The following RAB40B variants were observed in gnomAD, a reference collection of about 807,000 sequenced individuals.
The protein encoded by RAB40B is RAB40B, member RAS oncogene family, also known as ras-related protein Rab-40B.
A neutral mutation model predicts 24.0 loss-of-function variants in RAB40B; 21 were observed. That is an observed-to-expected ratio of 0.88 (90% CI 0.62 to 1.26). The LOEUF (loss-of-function observed/expected upper bound fraction) is 1.26, where lower values mean the gene tolerates loss of function less well. RAB40B is among the 50% of genes most tolerant of loss of function. The pLI, the probability that RAB40B is intolerant of heterozygous loss-of-function variation, is 0.00. For synonymous variants in RAB40B, 167 were observed against 169.8 expected, an observed-to-expected ratio of 0.98 and a Z score of 0.13; for missense variants, 348 against 390.5, an observed-to-expected ratio of 0.89 and a Z score of 0.92.
chr17:82,675,733 A>G lies in RAB40B; in HGVS notation c.143-11177T>C, dbSNP rs1179941137. Among the ~76,000 whole-genome samples the G allele has an allele frequency of 6.6e-6, 1 of 152,132 alleles. No individual in the cohort carries two copies. Among genetic ancestry groups the G allele is most frequent in the African/African-American group, 2.4e-5 (1 of 41,424 alleles). On this transcript the variant is annotated intron_variant, in intron 1 of 5. Transcript: ENST00000571995. The surrounding 1 kb of genome is among the most constrained non-coding windows in gnomAD (Gnocchi z 4.5). ...AGCTCTTGGATGCTTCACTCATCCC[A>G]TCCACAAAGCCCCACGTGACCTAAT...
At chr17:82,682,642 CA>C (rs1256130032) in intron 1 of RAB40B, among the ~76,000 whole-genome samples, 2 of 152,146 alleles carry the variant, frequency 1.3e-5, no homozygotes, top group African/African-American at 4.8e-5. Context: ...TTAATCAACA[CA>C]GTATGGTACT....
At position 82,692,603 on chromosome 17, in the gene RAB40B, G is replaced by A. The variant is rs891479349; in HGVS notation, c.142+5852C>T. On this transcript the variant is annotated intron_variant, in intron 1 of 5. Coordinates refer to ENST00000571995, the MANE Select transcript of RAB40B (RefSeq NM_006822.3). This position sits in a 1 kb window ranked among gnomAD's most constrained non-coding sequence, Gnocchi z 4.0. ...CGTGCGATGCGGGGTGGGGGTGGGG[G>A]GCATCCGACTGAAAAAAGTGTGTCT... is the stretch of plus-strand genomic sequence containing the variant. 1.3e-5 allele frequency among the ~76,000 whole-genome samples: 2 copies of A among 152,104 alleles called. No homozygotes were observed. Among genetic ancestry groups the A allele is most frequent in the African/African-American group, 2.4e-5 (1 of 41,410 alleles).
intron 1 of RAB40B, among the ~76,000 whole-genome samples, chr17:82,691,869 A>AG (rs1384974665): frequency 6.6e-6 from 1 of 152,102 alleles, no homozygotes; most frequent in African/African-American, 2.4e-5. Context: ...GGAACTTCCG[A>AG]GGGGAAAGAG....
chr17:82,659,464 G>A (rs1023864105), intron 4 of RAB40B, 116 bp downstream of exon 4: 28 of 963,712 alleles, frequency 2.9e-5, no homozygotes, highest in Non-Finnish European at 4.0e-5. Flanking sequence ...GCCATCCGGT[G>A]CCCTGGCCTG....
chr17:82,672,280 CTAACACACAAACTCACACGCTCCCTGT>C lies in RAB40B; in HGVS notation c.143-7751_143-7725del, dbSNP rs1169020606. Among the ~76,000 whole-genome samples, 7 of 133,082 alleles carry C rather than the reference CTAACACACAAACTCACACGCTCCCTGT, an allele frequency of 5.3e-5. 1 individual carries two copies. The highest frequency in any genetic ancestry group is 7.7e-5 in the Admixed American group (1 of 13,014). The allele number at this position is 133,082 out of a possible 152,430, so 87.3% of individuals were successfully genotyped here. A position where few individuals can be genotyped will look rare whatever the true frequency, so the allele number is the denominator to read the frequency against. On this transcript the variant is annotated intron_variant, in intron 1 of 5. Transcript: ENST00000571995. Reference sequence around the variant, plus strand: ...CACTGACACACCCCACCCCGTAACTCTAACACACAAACTCACACGCTCCCTGTACTGACACACCCCACCCCTGTAACT... The same window carrying C: ...CACTGACACACCCCACCCCGTAACTCACTGACACACCCCACCCCTGTAACT...
chr17:82,678,799 C>T (rs1317211909), intron 1 of RAB40B, among the ~76,000 whole-genome samples: 7 of 151,848 alleles, frequency 4.6e-5, no homozygotes, highest in African/African-American at 7.3e-5. Flanking sequence ...GGTGATTCAA[C>T]GCCGCTTTAC....
In RAB40B at chr17:82,656,377, T is replaced by G. The variant is rs1376528089; in HGVS notation, c.*1486A>C. 1.3e-5 allele frequency: 2 copies of G among 152,160 alleles called. No homozygotes were observed. The highest frequency in any genetic ancestry group is 4.8e-5 in the African/African-American group (2 of 41,422). 9.4% of individuals were successfully genotyped at this position (152,160 alleles called of 1,614,324 possible). A position where few individuals can be genotyped will look rare whatever the true frequency, so the allele number is the denominator to read the frequency against. ...AGCCACAGAGAAACGTTCAACAGTGTGACCAGGGAAGAGAGCGGCCCTGGA... is the reference window on the plus strand; with the variant it reads ...AGCCACAGAGAAACGTTCAACAGTGGGACCAGGGAAGAGAGCGGCCCTGGA... On this transcript the variant is annotated 3_prime_UTR_variant, in exon 6 of 6. Coordinates refer to ENST00000571995, the MANE Select transcript of RAB40B (RefSeq NM_006822.3).
intron 1 of RAB40B, among the ~76,000 whole-genome samples, chr17:82,684,762 G>A (rs952953658): frequency 6.6e-5 from 10 of 152,288 alleles, no homozygotes; most frequent in South Asian, 2.1e-4. Context: ...AAACTTCTGC[G>A]TGGTGGAGGT....
At position 82,664,681 on chromosome 17, in the gene RAB40B, G is replaced by A. The variant is rs2046232012; in HGVS notation, c.143-125C>T. On this transcript the variant is annotated intron_variant, in intron 1 of 5. Coordinates refer to ENST00000571995, the MANE Select transcript of RAB40B (RefSeq NM_006822.3). Reference sequence around the variant, plus strand: ...TTCCAGGTTTACAAGGCAGGCGGATGGGACCCCCTCCCTGTGTCTGCCCAA... The same window carrying A: ...TTCCAGGTTTACAAGGCAGGCGGATAGGACCCCCTCCCTGTGTCTGCCCAA... 5.6e-6 allele frequency: 5 copies of A among 900,530 alleles called. No homozygotes were observed. In the South Asian group the frequency reaches 7.9e-5, roughly 14 times the overall value. The allele number at this position is 900,530 out of a possible 1,614,324, so 55.8% of individuals were successfully genotyped here.
Position 82,658,078 on chromosome 17 carries a change from G to A in RAB40B, c.622C>T (p.Leu208=). The A allele has an allele frequency of 2.5e-6, 4 of 1,614,196 alleles. No individual in the cohort carries two copies. Among genetic ancestry groups the A allele is most frequent in the Non-Finnish European group, 3.4e-6 (4 of 1,180,044 alleles). ...ATGGGGAGCGGGAGCTTGTCCACCA[G>A]GTGCACCGGCGTGCAGGACACGACC... The part of the protein sequence containing the change: ...RAVVSCTPVH[L]VDKLPLPIAL... The change falls in exon 6 of 6, where the codon CTG becomes TTG. Residue 208 remains leucine, a synonymous_variant. Coordinates refer to ENST00000571995, the MANE Select transcript of RAB40B (RefSeq NM_006822.3).
chr17:82,672,364 C>CTGT (rs2046350647), intron 1 of RAB40B, among the ~76,000 whole-genome samples: 1 of 150,510 alleles, frequency 6.6e-6, no homozygotes, highest in Non-Finnish European at 1.5e-5. Context: ...TCCCTGTACC[C>CTGT]ACTGACACAC....
intron 2 of RAB40B, chr17:82,662,352 C>T: frequency 1.0e-6 from 1 of 985,500 alleles, no homozygotes. Flanking sequence ...CGGGCCAGGT[C>T]AATCTGCCAG....
chr17:82,662,619 G>A (rs977261785), intron 2 of RAB40B: 8 of 985,274 alleles, frequency 8.1e-6, no homozygotes, highest in Non-Finnish European at 8.4e-6. Flanking sequence ...CACGGTGGGA[G>A]TGTGACCTTG....
At chr17:82,693,604 A>G (rs2046580044) in intron 1 of RAB40B, among the ~76,000 whole-genome samples, 1 of 152,246 alleles carries the variant, frequency 6.6e-6, no homozygotes, top group Admixed American at 6.5e-5. Flanking sequence ...AGGAATGTTC[A>G]TGGCAGAACA....
chr17:82,688,280 C>T (rs2046522301), intron 1 of RAB40B, among the ~76,000 whole-genome samples: 1 of 150,938 alleles, frequency 6.6e-6, no homozygotes, highest in South Asian at 2.2e-4. Flanking sequence ...GCTGGGATTA[C>T]AGGTGTGAGC....
intron 3 of RAB40B, among the ~76,000 whole-genome samples, chr17:82,660,349 G>GT (rs1568029490): frequency 6.8e-6 from 1 of 146,752 alleles, no homozygotes; most frequent in East Asian, 2.1e-4. Context: ...CTGCACGCAC[G>GT]TGTACACACA....
At chr17:82,671,474 C>G (rs1215485802) in intron 1 of RAB40B, among the ~76,000 whole-genome samples, 6 of 131,680 alleles carry the variant, frequency 4.6e-5, no homozygotes, top group African/African-American at 1.7e-4. Flanking sequence ...GTAACTCTAA[C>G]ACACACTCAC....
Position 82,697,934 on chromosome 17 carries a change from C to G in RAB40B, c.142+521G>C, listed in dbSNP as rs1417175472. 6.6e-6 allele frequency among the ~76,000 whole-genome samples: 1 copy of G among 152,080 alleles called. No homozygotes were observed. Among genetic ancestry groups the G allele is most frequent in the African/African-American group, 2.4e-5 (1 of 41,430 alleles). Reference sequence around the variant, plus strand: ...GCCTCGGGACCGGACCCTGGTCTCCCCTCCCCTCCGACCCACGCGCAGACC... The same window carrying G: ...GCCTCGGGACCGGACCCTGGTCTCCGCTCCCCTCCGACCCACGCGCAGACC... On this transcript the variant is annotated intron_variant, in intron 1 of 5. Coordinates refer to ENST00000571995, the MANE Select transcript of RAB40B (RefSeq NM_006822.3). The surrounding 1 kb of genome is among the most constrained non-coding windows in gnomAD (Gnocchi z 4.9).
At chr17:82,674,530 T>TC in intron 1 of RAB40B, among the ~76,000 whole-genome samples, 1 of 145,258 alleles carries the variant, frequency 6.9e-6, no homozygotes. Context: ...TCCCAGCTAC[T>TC]CGGGAGGCTG....
Sources: gnomAD v4.1 joint callset for allele counts (sites outside exome capture counted in the v4.1 genomes callset) on GRCh38, gnomAD v4.1.1 for gene constraint, Gnocchi (gnomAD v3.1) non-coding constraint, MANE v1.5 for transcripts, NCBI Gene and HGNC (gene_info 2026-07-23, HGNC 2026-07-21) for gene names.